BICRAL: variants seen among roughly 807,000 people sequenced by gnomAD.
The protein encoded by BICRAL is BICRA like chromatin remodeling complex associated protein.
Under a neutral mutation model 91.8 loss-of-function variants are expected in BICRAL, and 8 were observed. The observed-to-expected ratio is 0.09, with a 90% CI of 0.05 to 0.16. BICRAL has a LOEUF of 0.16. Ranked by LOEUF, BICRAL falls within the 10% of genes least tolerant of loss-of-function variation. The probability of loss-of-function intolerance (pLI) is 1.00; values close to 1 mark genes in which losing one functional copy is unlikely to be tolerated. For synonymous variants in BICRAL, 445 were observed against 491.1 expected, an observed-to-expected ratio of 0.91 and a Z score of 1.24; for missense variants, 1,038 against 1,310.9, an observed-to-expected ratio of 0.79 and a Z score of 3.21.
chr6:42,862,065 G>A lies in BICRAL; in HGVS notation c.2350-445G>A, dbSNP rs541025446. ...GTAATAATTGTTCTCAGGCAGGTGCGGAGGCTCATGCCTGTAATCCCAGCA... is the reference window on the plus strand; with the variant it reads ...GTAATAATTGTTCTCAGGCAGGTGCAGAGGCTCATGCCTGTAATCCCAGCA... On this transcript the variant is annotated intron_variant, in intron 11 of 12. Coordinates refer to ENST00000314073, the MANE Select transcript of BICRAL (RefSeq NM_001393499.1). Among the ~76,000 whole-genome samples, 5 of 143,510 alleles carry A rather than the reference G, an allele frequency of 3.5e-5. No homozygotes were observed. In the South Asian group the frequency reaches 1.1e-3, roughly 32 times the overall value. The allele number at this position is 143,510 out of a possible 152,430, so 94.1% of individuals were successfully genotyped here.
chr6:42,852,237 C>A (rs1765207087), intron 7 of BICRAL, 40 bp downstream of exon 7: 1 of 1,140,592 alleles, frequency 8.8e-7, no homozygotes, highest in South Asian at 1.2e-5. Context: ...CTCCCAACAC[C>A]ACGGGATGCT....
At chr6:42,814,478 CAT>C (rs1491151347) in intron 2 of BICRAL, among the ~76,000 whole-genome samples, 30 of 91,258 alleles carry the variant, frequency 3.3e-4, no homozygotes, top group Non-Finnish European at 4.1e-4. Flanking sequence ...CATATACATG[CAT>C]GTGTGTGTGT....
At chr6:42,831,581 C>T (rs1292542985) in intron 6 of BICRAL, among the ~76,000 whole-genome samples, 1 of 152,162 alleles carries the variant, frequency 6.6e-6, no homozygotes, top group Non-Finnish European at 1.5e-5. Context: ...CCCACTCATT[C>T]TGAGCATGCT....
chr6:42,813,580 C>T (rs1290888003), intron 2 of BICRAL, among the ~76,000 whole-genome samples: 1 of 152,138 alleles, frequency 6.6e-6, no homozygotes, highest in South Asian at 2.1e-4. Context: ...AATGCAGTCA[C>T]ACAATCACGG....
Position 42,823,029 on chromosome 6 carries a change from G to T in BICRAL, c.159+26G>T, listed in dbSNP as rs1764188681. 4 of 1,411,468 alleles carry T rather than the reference G, an allele frequency of 2.8e-6. No homozygotes were observed. The East Asian group carries it at 9.1e-5, about 32-fold the overall frequency. 87.4% of individuals were successfully genotyped at this position (1,411,468 alleles called of 1,614,324 possible). Reference sequence around the variant, plus strand: ...GTGAGTATTGGAAACTAAATGCAATGATTGAATGGTTTCTGTCTGATTGAT... The same window carrying T: ...GTGAGTATTGGAAACTAAATGCAATTATTGAATGGTTTCTGTCTGATTGAT... On this transcript the variant is annotated intron_variant, in intron 5 of 12. Transcript: ENST00000314073.
chr6:42,868,374 T>C lies in BICRAL; in HGVS notation c.*2928T>C, dbSNP rs1765772878. Reference sequence around the variant, plus strand: ...GCTTTGTATACATTTTGTAAAAATATTTATAAAATGTTTTGTAAAAAAAAA... The same window carrying C: ...GCTTTGTATACATTTTGTAAAAATACTTATAAAATGTTTTGTAAAAAAAAA... On this transcript the variant is annotated 3_prime_UTR_variant, in exon 13 of 13. Transcript: ENST00000314073. 1 of 152,282 alleles carries C rather than the reference T, an allele frequency of 6.6e-6. No homozygotes were observed. Among genetic ancestry groups the C allele is most frequent in the Non-Finnish European group, 1.5e-5 (1 of 67,962 alleles). The allele number at this position is 152,282 out of a possible 1,614,324, so 9.4% of individuals were successfully genotyped here. A position where few individuals can be genotyped will look rare whatever the true frequency, so the allele number is the denominator to read the frequency against.
intron 1 of BICRAL, among the ~76,000 whole-genome samples, chr6:42,772,500 G>A (rs551214029): frequency 4.6e-5 from 7 of 152,276 alleles, no homozygotes; most frequent in Non-Finnish European, 8.8e-5. Context: ...GGACCACAGG[G>A]TACTAGGAGA....
rs758007416 is a variant in BICRAL, at chr6:42,841,075, TAA to T, written c.1839+10927_1839+10928del. ...AGGCGACAGAGCAAGACTCAATCTT[TAA>T]AAAAAAAAAAAAAAAAAAAAAAATT... On this transcript the variant is annotated intron_variant, in intron 6 of 12. Transcript: ENST00000314073. Among the ~76,000 whole-genome samples, 355 of 85,268 alleles carry T rather than the reference TAA, an allele frequency of 4.2e-3. 1 individual carries two copies. The highest frequency in any genetic ancestry group is 0.013 in the African/African-American group (269 of 20,808). 55.9% of individuals were successfully genotyped at this position (85,268 alleles called of 152,430 possible). A position where few individuals can be genotyped will look rare whatever the true frequency, so the allele number is the denominator to read the frequency against.
At chr6:42,798,601 T>G (rs1763484272) in intron 1 of BICRAL, among the ~76,000 whole-genome samples, 1 of 152,096 alleles carries the variant, frequency 6.6e-6, no homozygotes, top group South Asian at 2.1e-4. Context: ...GAGGCTGAGA[T>G]AGGAGAATTG....
chr6:42,824,259 T>C (rs1054733720), intron 5 of BICRAL, among the ~76,000 whole-genome samples: 2 of 151,952 alleles, frequency 1.3e-5, no homozygotes, highest in South Asian at 4.2e-4. Context: ...AAATAAATAA[T>C]AAATAATAAA....
intron 1 of BICRAL, among the ~76,000 whole-genome samples, chr6:42,776,718 A>G (rs1187645236): frequency 6.6e-6 from 1 of 152,144 alleles, no homozygotes; most frequent in Non-Finnish European, 1.5e-5. Context: ...GGTTATTACT[A>G]TCTCCATTTT....
At chr6:42,799,412 C>T (rs1002936936) in intron 1 of BICRAL, among the ~76,000 whole-genome samples, 5 of 151,724 alleles carry the variant, frequency 3.3e-5, no homozygotes, top group Non-Finnish European at 7.4e-5. Flanking sequence ...GAGTCTCCTG[C>T]CTCAGTCTCC....
chr6:42,834,502 T>G (rs1350922713), intron 6 of BICRAL, among the ~76,000 whole-genome samples: 1 of 152,200 alleles, frequency 6.6e-6, no homozygotes, highest in Non-Finnish European at 1.5e-5. Context: ...ATAGAGACTT[T>G]CTAATTCCTT....
At chr6:42,810,643 T>C (rs1461874060) in intron 2 of BICRAL, among the ~76,000 whole-genome samples, 2 of 152,240 alleles carry the variant, frequency 1.3e-5, no homozygotes, top group African/African-American at 4.8e-5. Context: ...AACTGTTTGC[T>C]CAAACACAAT....
intron 1 of BICRAL, among the ~76,000 whole-genome samples, chr6:42,805,006 C>T (rs1409992611): frequency 1.3e-5 from 2 of 152,164 alleles, no homozygotes; most frequent in Non-Finnish European, 2.9e-5. Context: ...CCAGCCTGCA[C>T]CCTGCTTTAA....
chr6:42,841,394 G>A (rs950759060), intron 6 of BICRAL, among the ~76,000 whole-genome samples: 3 of 151,772 alleles, frequency 2.0e-5, no homozygotes, highest in African/African-American at 7.3e-5. Flanking sequence ...TCACCATATT[G>A]GCCAGGCTGG....
rs1180035080 is a variant in BICRAL at position 42,756,913 on chromosome 6, T to C, written c.-261+9890T>C. On this transcript the variant is annotated intron_variant, in intron 1 of 14. Transcript: ENST00000614467. ...CTCTCTCTCTCTCTCTCTCTCTCTC[T>C]CCCTCTCCCCCCCCCCCACCCTCCC... Among the ~76,000 whole-genome samples, 188 of 83,430 alleles carry C rather than the reference T, an allele frequency of 2.3e-3. 4 individuals carry two copies. Among genetic ancestry groups the C allele is most frequent in the African/African-American group, 8.2e-3 (168 of 20,440 alleles). The allele number at this position is 83,430 out of a possible 152,430, so 54.7% of individuals were successfully genotyped here. A position where few individuals can be genotyped will look rare whatever the true frequency, so the allele number is the denominator to read the frequency against.
At chr6:42,756,073 A>G (rs554106486) in intron 1 of BICRAL, among the ~76,000 whole-genome samples, 25 of 152,290 alleles carry the variant, frequency 1.6e-4, no homozygotes, top group African/African-American at 6.0e-4. Flanking sequence ...CTTTTGTCCT[A>G]TCATCCACCC....
At chr6:42,816,466 G>C (rs1763998394) in intron 2 of BICRAL, among the ~76,000 whole-genome samples, 1 of 151,538 alleles carries the variant, frequency 6.6e-6, no homozygotes, top group Non-Finnish European at 1.5e-5. Flanking sequence ...TGGTACTTTT[G>C]CCCGGGCTGG....
Sources: gnomAD v4.1 joint callset for allele counts (sites outside exome capture counted in the v4.1 genomes callset) on GRCh38, gnomAD v4.1.1 for gene constraint, MANE v1.5 for transcripts, NCBI Gene and HGNC (gene_info 2026-07-23, HGNC 2026-07-21) for gene names.